Variants in BICD1 observed in about 807,000 individuals in gnomAD.
BICD1 encodes protein bicaudal D homolog 1.
A neutral mutation model predicts 92.5 loss-of-function variants in BICD1; 35 were observed. The observed-to-expected ratio is 0.38, with a 90% CI of 0.29 to 0.50. The LOEUF (loss-of-function observed/expected upper bound fraction) is 0.50, where lower values mean the gene tolerates loss of function less well. BICD1 is among the 20% of genes least tolerant of loss of function. The pLI is 0.93. For missense variants in BICD1, 950 were observed against 1,189.8 expected (o/e 0.80, Z 2.97); for synonymous variants, 429 against 465.1 (o/e 0.92, Z 1.00).
intron 1 of BICD1, among the ~76,000 whole-genome samples, chr12:32,149,637 C>A (rs1172150503): frequency 6.6e-6 from 1 of 152,120 alleles, no homozygotes; most frequent in Non-Finnish European, 1.5e-5. Flanking sequence ...AAAACATTGA[C>A]CCTATCTGAC....
At chr12:32,173,634 A>C (rs1278270651) in intron 1 of BICD1, among the ~76,000 whole-genome samples, 1 of 152,186 alleles carries the variant, frequency 6.6e-6, no homozygotes, top group East Asian at 1.9e-4. Flanking sequence ...TTCTCAGTTC[A>C]GTAGCTCAAA....
In BICD1 at chr12:32,295,931, G is replaced by T. The variant is rs148972894; in HGVS notation, c.579+1785G>T. The stretch of plus-strand genomic sequence containing the variant: ...GCCTCCCAAAGTGCTGGGATTACAA[G>T]CACGAGCCACAGCGTCTGGCCAAAA... On this transcript the variant is annotated intron_variant, in intron 3 of 9. Coordinates refer to ENST00000652176, the MANE Select transcript of BICD1 (RefSeq NM_001714.4). Among the ~76,000 whole-genome samples the T allele has an allele frequency of 3.7e-4, 56 of 152,242 alleles. No homozygotes were observed. The East Asian group carries it at 0.01, about 27-fold the overall frequency.
At chr12:32,230,396 T>C (rs1028111556) in intron 2 of BICD1, among the ~76,000 whole-genome samples, 3 of 136,878 alleles carry the variant, frequency 2.2e-5, no homozygotes, top group African/African-American at 8.5e-5. Flanking sequence ...TGAGACCCTG[T>C]CTCAAATAAA....
At chr12:32,340,231 G>T (rs1414571905) in intron 8 of BICD1, 4 of 985,208 alleles carry the variant, frequency 4.1e-6, no homozygotes, top group Admixed American at 6.2e-5. Flanking sequence ...TGCATTTCAC[G>T]TTCTAAAGGT....
At position 32,328,120 on chromosome 12, in the gene BICD1, C is replaced by T. The variant is rs199973067; in HGVS notation, c.1665C>T (p.Pro555=). 3.7e-5 allele frequency: 59 copies of T among 1,614,174 alleles called. No individual in the cohort carries two copies. The highest frequency in any genetic ancestry group is 4.4e-5 in the Non-Finnish European group (52 of 1,180,026). Residue 555 remains proline, a synonymous_variant, in exon 5 of 10, where the codon CCC becomes CCT. Coordinates refer to ENST00000652176, the MANE Select transcript of BICD1 (RefSeq NM_001714.4). This position sits in a 1 kb window ranked among gnomAD's most constrained non-coding sequence, Gnocchi z 4.4. ...RSGSLKGPDD[P]RGLLSPRLAR... is the part of the protein sequence containing the mutation. ...GCAGCCTGAAAGGGCCCGATGATCCCAGAGGACTTTTGTCCCCACGATTAG... is the reference window on the plus strand; with the variant it reads ...GCAGCCTGAAAGGGCCCGATGATCCTAGAGGACTTTTGTCCCCACGATTAG...
At chr12:32,300,786 A>T (rs1395046522) in intron 3 of BICD1, among the ~76,000 whole-genome samples, 1 of 151,072 alleles carries the variant, frequency 6.6e-6, no homozygotes, top group Non-Finnish European at 1.5e-5. Flanking sequence ...CTGGGACTAC[A>T]GGCACCCACC....
At position 32,377,545 on chromosome 12, in the gene BICD1, A is replaced by G. The variant is rs753556215; in HGVS notation, c.2846A>G (p.Asp949Gly). ...TGCTTGTTTCTCCTTTCCAGTCCTG[A>G]CACAGCTCTCCCTGAGGAGCAGCCA... is the stretch of plus-strand genomic sequence containing the variant. Reference protein sequence around the residue: ...GRQDCPTVSPDTALPEEQPHS... With the variant: ...GRQDCPTVSPGTALPEEQPHS... Residue 949 changes from aspartate to glycine, a missense_variant, in exon 10 of 10, where the codon GAC (aspartate) becomes GGC (glycine). By Grantham distance (94) the Asp-to-Gly change is moderately conservative. Transcript: ENST00000652176. 5 of 1,613,924 alleles carry G rather than the reference A, an allele frequency of 3.1e-6. No homozygotes were observed. In the South Asian group the frequency reaches 4.4e-5, roughly 14 times the overall value.
intron 2 of BICD1, among the ~76,000 whole-genome samples, chr12:32,220,453 CAGA>C (rs1192996166): frequency 6.6e-6 from 1 of 152,188 alleles, no homozygotes; most frequent in Non-Finnish European, 1.5e-5. Flanking sequence ...AGACACTTCT[CAGA>C]AGAAGACATT....
Position 32,382,931 on chromosome 12 carries a change from A to C in BICD1, c.*5304A>C, listed in dbSNP as rs137859947. 3 of 152,244 alleles carry C rather than the reference A, an allele frequency of 2.0e-5. No homozygotes were observed. Among genetic ancestry groups the C allele is most frequent in the South Asian group, 4.1e-4 (2 of 4,822 alleles). 9.4% of individuals were successfully genotyped at this position (152,244 alleles called of 1,614,324 possible). A position where few individuals can be genotyped will look rare whatever the true frequency, so the allele number is the denominator to read the frequency against. On this transcript the variant is annotated 3_prime_UTR_variant, in exon 10 of 10. Coordinates refer to ENST00000652176, the MANE Select transcript of BICD1 (RefSeq NM_001714.4). ...GTGCAGCCAGTCTTAGAGGAAATAC[A>C]TCATTTTAACATTATTCCCACAAAA...
At chr12:32,158,931 C>T (rs548049597) in intron 1 of BICD1, among the ~76,000 whole-genome samples, 3 of 152,144 alleles carry the variant, frequency 2.0e-5, no homozygotes, top group East Asian at 1.9e-4. Context: ...GTTATTTGTA[C>T]GCCATCAAAC....
intron 1 of BICD1, among the ~76,000 whole-genome samples, chr12:32,161,683 A>G (rs577209164): frequency 6.8e-4 from 103 of 152,304 alleles, no homozygotes; most frequent in African/African-American, 2.4e-3. Context: ...AGAGATTGTA[A>G]ATATAATCAG....
chr12:32,356,480 T>C (rs1939112007), intron 8 of BICD1, among the ~76,000 whole-genome samples: 2 of 150,130 alleles, frequency 1.3e-5, no homozygotes, highest in Middle Eastern at 6.8e-3. Context: ...GGCAAAACCC[T>C]GTCTCTACAA....
intron 4 of BICD1, among the ~76,000 whole-genome samples, chr12:32,311,935 A>G (rs1267029841): frequency 2.0e-5 from 3 of 152,196 alleles, no homozygotes; most frequent in Non-Finnish European, 2.9e-5. Flanking sequence ...TGCCAGTATC[A>G]GATTGGAAAG....
At chr12:32,285,788 G>A (rs1947547675) in intron 2 of BICD1, among the ~76,000 whole-genome samples, 1 of 151,956 alleles carries the variant, frequency 6.6e-6, no homozygotes, top group African/African-American at 2.4e-5. Context: ...TTCTTACTCT[G>A]GTTATTCTTG....
intron 3 of BICD1, among the ~76,000 whole-genome samples, chr12:32,295,126 T>A (rs1397845106): frequency 6.6e-6 from 1 of 151,916 alleles, no homozygotes; most frequent in Non-Finnish European, 1.5e-5. Flanking sequence ...GTTTTCTTTT[T>A]CAGCTGTAAC....
intron 2 of BICD1, among the ~76,000 whole-genome samples, chr12:32,246,784 C>G (rs1295707659): frequency 6.6e-6 from 1 of 152,088 alleles, no homozygotes; most frequent in Admixed American, 6.6e-5. Flanking sequence ...ACAAGAGATA[C>G]AGCAAAAAAC....
At position 32,129,960 on chromosome 12, in the gene BICD1, A is replaced by G. The variant is rs138922847; in HGVS notation, c.213+22416A>G. ...AATGAAAAAGAACAGTTTGGAAGAAATAGTGCGATGTGGATGACTTACAAA... is the reference window on the plus strand; with the variant it reads ...AATGAAAAAGAACAGTTTGGAAGAAGTAGTGCGATGTGGATGACTTACAAA... On this transcript the variant is annotated intron_variant, in intron 1 of 9. Coordinates refer to ENST00000652176, the MANE Select transcript of BICD1 (RefSeq NM_001714.4). 1.1e-4 allele frequency among the ~76,000 whole-genome samples: 16 copies of G among 152,362 alleles called. 1 individual carries two copies. The highest frequency in any genetic ancestry group is 2.6e-4 in the African/African-American group (11 of 41,580).
At chr12:32,247,345 G>A (rs1026099215) in intron 2 of BICD1, among the ~76,000 whole-genome samples, 1 of 152,078 alleles carries the variant, frequency 6.6e-6, no homozygotes, top group Non-Finnish European at 1.5e-5. Flanking sequence ...AAAGAAATTT[G>A]GGAGTCATCA....
At chr12:32,171,334 G>A (rs985982004) in intron 1 of BICD1, among the ~76,000 whole-genome samples, 72 of 152,224 alleles carry the variant, frequency 4.7e-4, no homozygotes, top group Non-Finnish European at 1.6e-4. Context: ...GCTGGGCCCC[G>A]AAGGCGATGC....
Sources: gnomAD v4.1 joint callset for allele counts (sites outside exome capture counted in the v4.1 genomes callset) on GRCh38, gnomAD v4.1.1 for gene constraint, Gnocchi (gnomAD v3.1) non-coding constraint, MANE v1.5 for transcripts, NCBI Gene and HGNC (gene_info 2026-07-23, HGNC 2026-07-21) for gene names.